Variants in CERKL observed in about 807,000 individuals in gnomAD.
CERKL encodes ceramide kinase-like protein.
CERKL carries 61 observed loss-of-function variants against 63.4 expected under a neutral mutation model. The observed-to-expected ratio is 0.96, with a 90% CI of 0.78 to 1.19. The LOEUF is 1.19. CERKL is among the 50% of genes most tolerant of loss of function. The probability of loss-of-function intolerance (pLI) is 0.00; values close to 1 mark genes in which losing one functional copy is unlikely to be tolerated. For synonymous variants in CERKL, 250 were observed against 230.5 expected, an observed-to-expected ratio of 1.08 and a Z score of -0.77; for missense variants, 675 against 655.5, an observed-to-expected ratio of 1.03 and a Z score of -0.33.
rs1462752743 is a variant in CERKL, at chr2:181,537,283, C to A, written c.*901G>T. ...TTTCCTACTCAGAACTACTCAGAAACAACTATATATTTCAGGTTATCTGAG... is the reference window on the plus strand; with the variant it reads ...TTTCCTACTCAGAACTACTCAGAAAAAACTATATATTTCAGGTTATCTGAG... On this transcript the variant is annotated 3_prime_UTR_variant, in exon 13 of 13. Coordinates refer to ENST00000410087, the MANE Select transcript of CERKL (RefSeq NM_201548.5). The A allele has an allele frequency of 2.2e-6, 1 of 453,624 alleles. No homozygotes were observed. The highest frequency in any genetic ancestry group is 2.4e-5 in the Admixed American group (1 of 42,526). 28.1% of individuals were successfully genotyped at this position (453,624 alleles called of 1,614,324 possible). A position where few individuals can be genotyped will look rare whatever the true frequency, so the allele number is the denominator to read the frequency against.
At chr2:181,612,582 T>C (rs911796195) in intron 1 of CERKL, among the ~76,000 whole-genome samples, 2 of 152,204 alleles carry the variant, frequency 1.3e-5, no homozygotes, top group South Asian at 4.1e-4. Flanking sequence ...CATACTTAAT[T>C]GGATTAATAA....
chr2:181,631,170 G>T (rs1398981198), intron 1 of CERKL, among the ~76,000 whole-genome samples: 1 of 152,206 alleles, frequency 6.6e-6, no homozygotes, highest in Non-Finnish European at 1.5e-5. Context: ...CTGCCCACTT[G>T]AAAGGTAAAG....
At position 181,544,761 on chromosome 2, in the gene CERKL, C is replaced by T. The variant is rs148507801; in HGVS notation, c.1304G>A (p.Arg435Gln). The T allele has an allele frequency of 1.2e-4, 189 of 1,607,860 alleles. No individual in the cohort carries two copies. The African/African-American group carries it at 2.1e-3, about 18-fold the overall frequency. Residue 435 changes from arginine (R) to glutamine (Q), a missense_variant, in exon 11 of 13, where the codon CGA (arginine) becomes CAA (glutamine). By Grantham distance (43) the Arg-to-Gln change is conservative (BLOSUM62 1). Transcript: ENST00000410087. ...TATAAATTCTGGCCGAGAAGTGTTT[C>T]GGGCAATTATAAGAGCCATACTTCC... is the stretch of plus-strand genomic sequence containing the variant. ...NNGSMALIIA[R>Q]NTSRPEFIKH... is the part of the protein sequence containing the mutation.
chr2:181,639,706 G>A lies in CERKL; in HGVS notation c.238+17063C>T, dbSNP rs545229604. Among the ~76,000 whole-genome samples the A allele has an allele frequency of 5.3e-5, 8 of 152,284 alleles. No homozygotes were observed. In the South Asian group the frequency reaches 1.5e-3, roughly 28 times the overall value. On this transcript the variant is annotated intron_variant, in intron 1 of 12. Transcript: ENST00000410087. ...ACCAAATGGGGACAGTGCAGGCTCT[G>A]GAGTCAGACTGCCTAGCTTTGAACC...
intron 2 of CERKL, among the ~76,000 whole-genome samples, chr2:181,576,330 C>T (rs1255909463): frequency 6.6e-6 from 1 of 152,174 alleles, no homozygotes; most frequent in Non-Finnish European, 1.5e-5. Flanking sequence ...TATTCTTAAA[C>T]TCTGTCCCTC....
At chr2:181,621,510 A>G (rs1041058270) in intron 1 of CERKL, among the ~76,000 whole-genome samples, 2 of 152,202 alleles carry the variant, frequency 1.3e-5, no homozygotes, top group Non-Finnish European at 2.9e-5. Context: ...AAATAAGCTA[A>G]ATGTTTATAC....
chr2:181,581,510 C>T (rs539627295), intron 2 of CERKL, among the ~76,000 whole-genome samples: 1 of 152,142 alleles, frequency 6.6e-6, no homozygotes, highest in Non-Finnish European at 1.5e-5. Flanking sequence ...AATTGCCTCA[C>T]TTATTTTGAT....
At chr2:181,647,893 G>T (rs1182787620) in intron 1 of CERKL, among the ~76,000 whole-genome samples, 1 of 151,984 alleles carries the variant, frequency 6.6e-6, no homozygotes, top group Non-Finnish European at 1.5e-5. Flanking sequence ...ATTAAAACAA[G>T]ATCTATCATT....
intron 1 of CERKL, among the ~76,000 whole-genome samples, chr2:181,605,802 G>A (rs951803202): frequency 2.0e-5 from 3 of 152,086 alleles, no homozygotes; most frequent in Non-Finnish European, 4.4e-5. Flanking sequence ...GAAATGACTC[G>A]AGTGCTAAAA....
At chr2:181,616,403 G>A (rs779840893) in intron 1 of CERKL, among the ~76,000 whole-genome samples, 6 of 151,644 alleles carry the variant, frequency 4.0e-5, no homozygotes, top group African/African-American at 9.7e-5. Flanking sequence ...TAGTAGAGAC[G>A]GTGTTTCACT....
At chr2:181,644,097 A>G (rs1440652192) in intron 1 of CERKL, among the ~76,000 whole-genome samples, 1 of 152,258 alleles carries the variant, frequency 6.6e-6, no homozygotes, top group Non-Finnish European at 1.5e-5. Flanking sequence ...GCTAAGGGCT[A>G]AATCATGAAA....
In CERKL at chr2:181,550,666, A is replaced by G. The variant is rs538096039; in HGVS notation, c.821-958T>C. On this transcript the variant is annotated intron_variant, in intron 5 of 12. Transcript: ENST00000410087. This position sits in a 1 kb window ranked among gnomAD's most constrained non-coding sequence, Gnocchi z 4.5. Reference sequence around the variant, plus strand: ...GATTTTGTTAATCAGAAGCATTCCTATGTGATCATACATAATTGCTTCAAT... The same window carrying G: ...GATTTTGTTAATCAGAAGCATTCCTGTGTGATCATACATAATTGCTTCAAT... Among the ~76,000 whole-genome samples, 110 of 152,284 alleles carry G rather than the reference A, an allele frequency of 7.2e-4. No homozygotes were observed. Among genetic ancestry groups the G allele is most frequent in the South Asian group, 1.2e-3 (6 of 4,826 alleles).
intron 1 of CERKL, among the ~76,000 whole-genome samples, chr2:181,614,650 G>C (rs1559106776): frequency 6.6e-6 from 1 of 151,982 alleles, no homozygotes; most frequent in Non-Finnish European, 1.5e-5. Flanking sequence ...TTCTGTTATA[G>C]TACAAGTTTC....
At chr2:181,607,069 A>G (rs1685750541) in intron 1 of CERKL, among the ~76,000 whole-genome samples, 1 of 152,230 alleles carries the variant, frequency 6.6e-6, no homozygotes, top group Non-Finnish European at 1.5e-5. Flanking sequence ...CAAAATTAAA[A>G]CCAAGCATTT....
chr2:181,656,036 AT>A (rs1463713540), intron 1 of CERKL, among the ~76,000 whole-genome samples: 1 of 152,232 alleles, frequency 6.6e-6, no homozygotes, highest in African/African-American at 2.4e-5. Context: ...GACTCGAAGT[AT>A]TTGTTGTAAA....
chr2:181,640,695 T>C (rs1687382110), intron 1 of CERKL, among the ~76,000 whole-genome samples: 1 of 152,238 alleles, frequency 6.6e-6, no homozygotes, highest in Admixed American at 6.5e-5. Flanking sequence ...CCAATTGCTC[T>C]GTTCTCTATA....
intron 1 of CERKL, among the ~76,000 whole-genome samples, chr2:181,653,900 G>C (rs753801168): frequency 1.1e-4 from 16 of 152,160 alleles, no homozygotes; most frequent in Non-Finnish European, 2.1e-4. Flanking sequence ...CTAGAAGAGA[G>C]TCTTTTGAAT....
chr2:181,539,199 A>C lies in CERKL; in HGVS notation c.1431T>G (p.Thr477=), dbSNP rs2105787099. 4 of 1,605,206 alleles carry C rather than the reference A, an allele frequency of 2.5e-6. No homozygotes were observed. Among genetic ancestry groups the C allele is most frequent in the Non-Finnish European group, 3.4e-6 (4 of 1,172,106 alleles). Residue 477 remains threonine, a synonymous_variant, in exon 12 of 13, where the codon ACT becomes ACG. Transcript: ENST00000410087. ...CCTCCTCCTCTGGATTATATCCACC[A>C]GTATTATTCCTTGGATGAACTTTTA... The part of the protein sequence containing the change: ...EEVKVHPRNN[T]GGYNPEEEED...
At chr2:181,563,843 G>A (rs778258970) in intron 4 of CERKL, among the ~76,000 whole-genome samples, 3 of 151,988 alleles carry the variant, frequency 2.0e-5, no homozygotes, top group Non-Finnish European at 4.4e-5. Flanking sequence ...AGTTTATTAA[G>A]ATAATTACTC....
Sources: gnomAD v4.1 joint callset for allele counts (sites outside exome capture counted in the v4.1 genomes callset) on GRCh38, gnomAD v4.1.1 for gene constraint, Gnocchi (gnomAD v3.1) non-coding constraint, MANE v1.5 for transcripts, NCBI Gene and HGNC (gene_info 2026-07-23, HGNC 2026-07-21) for gene names.